MAP3K15: variants seen among roughly 807,000 people sequenced by gnomAD.
The protein encoded by MAP3K15 is MAPK/ERK kinase kinase 15.
In MAP3K15, 124 loss-of-function variants were observed where a neutral mutation model predicts 99.5. The ratio of observed to expected loss-of-function variants is 1.25; its 90% confidence interval spans 1.08 to 1.45. The LOEUF is 1.45. MAP3K15 is among the 40% of genes most tolerant of loss of function. The pLI, the probability that MAP3K15 is intolerant of heterozygous loss-of-function variation, is 0.00. For synonymous variants in MAP3K15, 494 were observed against 439.6 expected, an observed-to-expected ratio of 1.12 and a Z score of -1.55; for missense variants, 1,242 against 1,079.7, an observed-to-expected ratio of 1.15 and a Z score of -2.11.
intron 13 of MAP3K15, among the ~76,000 whole-genome samples, chrX:19,404,651 G>C (rs1220539362): frequency 8.9e-6 from 1 of 112,018 alleles, no homozygotes; most frequent in East Asian, 2.8e-4. Context: ...ATTAAGAATA[G>C]ACATACAAAA....
At chrX:19,486,181 G>A (rs1188574063) in intron 3 of MAP3K15, among the ~76,000 whole-genome samples, 1 of 111,462 alleles carries the variant, frequency 9.0e-6, no homozygotes, top group Non-Finnish European at 1.9e-5. Flanking sequence ...ATGGAACATC[G>A]ACCCAGATCA....
chrX:19,431,090 AAATAAATGAATG>A (rs1318402313), intron 7 of MAP3K15, among the ~76,000 whole-genome samples: 1 of 111,701 alleles, frequency 9.0e-6, no homozygotes, highest in African/African-American at 3.3e-5. Context: ...GAACATTGTT[AAATAAATGAATG>A]AATAAGTGAA....
At chrX:19,421,990 A>T (rs1424113996) in intron 9 of MAP3K15, among the ~76,000 whole-genome samples, 1 of 110,945 alleles carries the variant, frequency 9.0e-6, no homozygotes, top group African/African-American at 3.3e-5. Context: ...GAGAAAGCTG[A>T]AACTGGATCC....
At chrX:19,417,914 T>C (rs926041809) in intron 9 of MAP3K15, among the ~76,000 whole-genome samples, 1 of 112,188 alleles carries the variant, frequency 8.9e-6, no homozygotes, top group African/African-American at 3.2e-5. Flanking sequence ...CCTCTGCTGC[T>C]GATACCCAGG....
intron 3 of MAP3K15, among the ~76,000 whole-genome samples, chrX:19,478,669 T>C (rs1672758528): frequency 9.1e-6 from 1 of 110,435 alleles, no homozygotes; most frequent in African/African-American, 3.3e-5. Context: ...GAGTTTCTCT[T>C]AAATCTCACT....
intron 3 of MAP3K15, among the ~76,000 whole-genome samples, chrX:19,474,552 G>GGA (rs1555963019): frequency 2.1e-5 from 2 of 94,757 alleles, no homozygotes; most frequent in Non-Finnish European, 2.1e-5. Flanking sequence ...TTGGGGGGGG[G>GGA]GGTCTGTGAA....
Position 19,395,945 on chromosome X carries a change from T to C in MAP3K15, c.2067-737A>G, listed in dbSNP as rs185108716. 6.9e-4 allele frequency among the ~76,000 whole-genome samples: 78 copies of C among 112,311 alleles called. No individual in the cohort carries two copies. In the East Asian group the frequency reaches 0.018, roughly 26 times the overall value. On this transcript the variant is annotated intron_variant, in intron 15 of 28. Coordinates refer to ENST00000338883, the MANE Select transcript of MAP3K15 (RefSeq NM_001001671.4). ...AATATACTTTGTGTTTTAACAGCTC[T>C]GTTTTTCCATCAGCATAGGCCTCCT...
chrX:19,515,093 G>A lies in MAP3K15; in HGVS notation c.169C>T (p.Pro57Ser), dbSNP rs911136448. Reference protein sequence around the residue: ...GSGEGESGGGPRRALRAVYVR... With the variant: ...GSGEGESGGGSRRALRAVYVR... ...TATACTGCCCGCAGAGCCCGCCGCG[G>A]CCCGCCCCCACTCTCGCCCTCGCCG... is the stretch of plus-strand genomic sequence containing the variant. The change falls in exon 1 of 29, where the codon CCG becomes TCG. Residue 57 changes from proline to serine, a missense_variant. By Grantham distance (74) the Pro-to-Ser change is moderately conservative (BLOSUM62 -1). Coordinates refer to ENST00000338883, the MANE Select transcript of MAP3K15 (RefSeq NM_001001671.4). The A allele has an allele frequency of 4.3e-4, 376 of 876,301 alleles. No homozygotes were observed. Among genetic ancestry groups the A allele is most frequent in the Non-Finnish European group, 5.2e-4 (359 of 684,468 alleles). The allele number at this position is 876,301 out of a possible 1,213,427, so 72.2% of individuals were successfully genotyped here. A position where few individuals can be genotyped will look rare whatever the true frequency, so the allele number is the denominator to read the frequency against.
chrX:19,420,728 C>A (rs1421977182), intron 9 of MAP3K15, among the ~76,000 whole-genome samples: 6 of 111,177 alleles, frequency 5.4e-5, no homozygotes, highest in Admixed American at 9.6e-5. Context: ...GAGACACAAC[C>A]AAAAAAGAGA....
intron 13 of MAP3K15, among the ~76,000 whole-genome samples, chrX:19,406,575 C>T (rs1019583768): frequency 4.5e-5 from 5 of 111,761 alleles, no homozygotes; most frequent in East Asian, 5.6e-4. Context: ...CAAGATGGGG[C>T]GAGGTTGAGG....
At position 19,426,818 on chromosome X, in the gene MAP3K15, C is replaced by CAAAAAAAAAAAAAAA. The variant is rs746106862; in HGVS notation, c.1167-490_1167-476dup. 9.0e-4 allele frequency among the ~76,000 whole-genome samples: 19 copies of CAAAAAAAAAAAAAAA among 21,137 alleles called. 1 individual carries two copies. Among genetic ancestry groups the CAAAAAAAAAAAAAAA allele is most frequent in the African/African-American group, 2.9e-3 (14 of 4,819 alleles). The allele number at this position is 21,137 out of a possible 115,157, so 18.4% of individuals were successfully genotyped here. On this transcript the variant is annotated intron_variant, in intron 7 of 28. Coordinates refer to ENST00000338883, the MANE Select transcript of MAP3K15 (RefSeq NM_001001671.4). ...GGGTGACAGAGCGAGAATCTGTCTC[C>CAAAAAAAAAAAAAAA]AAAAAAAAAAAAAAAAAAAAAAAAA...
intron 3 of MAP3K15, among the ~76,000 whole-genome samples, chrX:19,474,942 T>G (rs2064232209): frequency 9.0e-6 from 1 of 111,150 alleles, no homozygotes; most frequent in Non-Finnish European, 1.9e-5. Context: ...GTCCCCAACC[T>G]TTTTGGCACC....
At chrX:19,505,555 G>C (rs1374872312) in intron 1 of MAP3K15, among the ~76,000 whole-genome samples, 1 of 110,584 alleles carries the variant, frequency 9.0e-6, no homozygotes, top group Non-Finnish European at 1.9e-5. Context: ...GGACTCCAAG[G>C]TTCCCATGGG....
chrX:19,449,104 A>G (rs1290403100), intron 6 of MAP3K15, among the ~76,000 whole-genome samples: 1 of 109,474 alleles, frequency 9.1e-6, no homozygotes, highest in African/African-American at 3.3e-5. Flanking sequence ...TGTCTACTTT[A>G]AGCAACCATA....
At chrX:19,417,439 T>G (rs971519662) in intron 9 of MAP3K15, among the ~76,000 whole-genome samples, 2 of 111,913 alleles carry the variant, frequency 1.8e-5, no homozygotes. Flanking sequence ...AGAGCCTCAC[T>G]CATTGCTAGC....
At chrX:19,458,573 G>A (rs993267032) in intron 5 of MAP3K15, among the ~76,000 whole-genome samples, 1 of 111,701 alleles carries the variant, frequency 9.0e-6, no homozygotes, top group African/African-American at 3.3e-5. Flanking sequence ...CCAGCTACTG[G>A]GAAGGCTGAG....
chrX:19,464,955 G>A (rs2064156218), intron 3 of MAP3K15, among the ~76,000 whole-genome samples: 1 of 110,875 alleles, frequency 9.0e-6, no homozygotes, highest in South Asian at 3.8e-4. Flanking sequence ...GCAGTGGCGC[G>A]AACATGGCTC....
intron 18 of MAP3K15, among the ~76,000 whole-genome samples, chrX:19,381,224 GAGA>G (rs2063455954): frequency 8.9e-6 from 1 of 112,170 alleles, no homozygotes; most frequent in Non-Finnish European, 1.9e-5. Flanking sequence ...ATTTATTGGG[GAGA>G]AGGTCTCTGA....
chrX:19,495,504 T>A (rs1489777824), intron 1 of MAP3K15, among the ~76,000 whole-genome samples: 1 of 111,156 alleles, frequency 9.0e-6, no homozygotes, highest in Non-Finnish European at 1.9e-5. Flanking sequence ...TATCTTTTGC[T>A]TCCCAGTATC....
Sources: allele counts gnomAD v4.1 joint callset (sites outside exome capture counted in the v4.1 genomes callset), GRCh38; gene constraint gnomAD v4.1.1; transcripts MANE v1.5; gene names NCBI Gene and HGNC (gene_info 2026-07-23, HGNC 2026-07-21).